Variants in DDX46 observed in about 807,000 individuals in gnomAD.
DDX46 encodes probable ATP-dependent RNA helicase DDX46.
A neutral mutation model predicts 134.9 loss-of-function variants in DDX46; 30 were observed. That is an observed-to-expected ratio of 0.22 (90% CI 0.17 to 0.30). The LOEUF (loss-of-function observed/expected upper bound fraction) is 0.30. DDX46 is among the 10% of genes least tolerant of loss of function. The probability of loss-of-function intolerance (pLI) is 1.00; values close to 1 mark genes in which losing one functional copy is unlikely to be tolerated. For missense variants in DDX46, 622 were observed against 1,248.7 expected (o/e 0.50, Z 7.56); for synonymous variants, 415 against 404.1 (o/e 1.03, Z -0.32).
intron 11 of DDX46, among the ~76,000 whole-genome samples, chr5:134,786,200 A>G (rs920706744): frequency 6.6e-6 from 1 of 152,094 alleles, no homozygotes; most frequent in Non-Finnish European, 1.5e-5. Flanking sequence ...ATATGAGGTG[A>G]TATGTTAGCT....
At chr5:134,784,836 A>G in intron 10 of DDX46, 1 of 184,002 alleles carries the variant, frequency 5.4e-6, no homozygotes, top group East Asian at 1.4e-4. Flanking sequence ...ATTTATATTG[A>G]GGTTTGTTAG....
At chr5:134,813,400 A>G (rs1309648040) in intron 18 of DDX46, among the ~76,000 whole-genome samples, 1 of 152,232 alleles carries the variant, frequency 6.6e-6, no homozygotes, top group Non-Finnish European at 1.5e-5. Flanking sequence ...GATTGCAGTC[A>G]TCTGCAGGCT....
chr5:134,768,997 G>T (rs1234007718), intron 3 of DDX46, among the ~76,000 whole-genome samples: 6 of 152,150 alleles, frequency 3.9e-5, no homozygotes, highest in Non-Finnish European at 8.8e-5. Flanking sequence ...GGTGGAGGTT[G>T]CAGTGAGCCG....
intron 20 of DDX46, among the ~76,000 whole-genome samples, chr5:134,818,072 C>T (rs1452685667): frequency 2.6e-5 from 4 of 151,694 alleles, no homozygotes; most frequent in African/African-American, 4.8e-5. Context: ...CCCTCAGCCT[C>T]GCGAGTAGCT....
chr5:134,804,936 G>A (rs895868107), intron 15 of DDX46: 8 of 336,926 alleles, frequency 2.4e-5, no homozygotes, highest in East Asian at 2.0e-4. Flanking sequence ...GGACATTCAC[G>A]TAACAATATT....
chr5:134,781,912 A>C lies in DDX46; in HGVS notation c.880-9A>C. On this transcript the variant is annotated splice_polypyrimidine_tract_variant and intron_variant, in intron 7 of 22. Coordinates refer to ENST00000452510, the MANE Select transcript of DDX46 (RefSeq NM_001300860.2). Reference sequence around the variant, plus strand: ...ACTTAGCGCTTTAATTTTTTCTTTTAAACTATAGTATTCTTCAGAGGAGGA... The same window carrying C: ...ACTTAGCGCTTTAATTTTTTCTTTTCAACTATAGTATTCTTCAGAGGAGGA... The C allele has an allele frequency of 6.3e-7, 1 of 1,593,680 alleles. No homozygotes were observed. The highest frequency in any genetic ancestry group is 1.2e-5 in the South Asian group (1 of 86,246).
chr5:134,794,427 T>C (rs892819686), intron 13 of DDX46, among the ~76,000 whole-genome samples: 1 of 152,246 alleles, frequency 6.6e-6, no homozygotes, highest in Non-Finnish European at 1.5e-5. Context: ...TAGGTGTGGA[T>C]ACAGATTCCT....
intron 2 of DDX46, among the ~76,000 whole-genome samples, chr5:134,765,029 T>C (rs1039320043): frequency 3.3e-5 from 5 of 151,790 alleles, no homozygotes; most frequent in African/African-American, 1.2e-4. Flanking sequence ...TGAGCTGTCA[T>C]AGATTTAAAC....
In DDX46 at chr5:134,782,097, A is replaced by G. The variant is rs753947309; in HGVS notation, c.1045+11A>G. 37 of 1,578,690 alleles carry G rather than the reference A, an allele frequency of 2.3e-5. No homozygotes were observed. In the South Asian group the frequency reaches 3.9e-4, roughly 16 times the overall value. Reference sequence around the variant, plus strand: ...AAATGTCTCAAGAAGGTAAAATTCCATTTTTTCATTTACTGGTTATAAGGG... The same window carrying G: ...AAATGTCTCAAGAAGGTAAAATTCCGTTTTTTCATTTACTGGTTATAAGGG... On this transcript the variant is annotated intron_variant, in intron 8 of 22. Transcript: ENST00000452510.
At chr5:134,809,181 C>T (rs1353697590) in intron 16 of DDX46, among the ~76,000 whole-genome samples, 3 of 152,016 alleles carry the variant, frequency 2.0e-5, no homozygotes, top group Admixed American at 6.6e-5. Flanking sequence ...TGGAAAGGGC[C>T]ATGTACTGAA....
intron 12 of DDX46, chr5:134,789,272 AT>A (rs1754433224): frequency 6.6e-6 from 1 of 152,226 alleles, no homozygotes; most frequent in Non-Finnish European, 1.5e-5. Flanking sequence ...AAGGTAGGTA[AT>A]TTAATGCTGT....
intron 6 of DDX46, among the ~76,000 whole-genome samples, chr5:134,780,100 G>GTA (rs1162980124): frequency 1.9e-5 from 1 of 53,312 alleles, no homozygotes; most frequent in Non-Finnish European, 4.4e-5. Flanking sequence ...AAAAATATAT[G>GTA]TGTGTGTGTG....
At chr5:134,824,065 A>G (rs1250664695) in intron 21 of DDX46, among the ~76,000 whole-genome samples, 1 of 152,198 alleles carries the variant, frequency 6.6e-6, no homozygotes, top group African/African-American at 2.4e-5. Flanking sequence ...TCAAATTTCA[A>G]TTTATGTATA....
chr5:134,814,290 G>A (rs1755227843), intron 18 of DDX46, among the ~76,000 whole-genome samples: 1 of 152,100 alleles, frequency 6.6e-6, no homozygotes, highest in South Asian at 2.1e-4. Flanking sequence ...GGGGTTCTTG[G>A]AATGTATTCC....
chr5:134,827,038 A>G lies in DDX46; in HGVS notation c.3051+18A>G, dbSNP rs1755609505. On this transcript the variant is annotated intron_variant, in intron 22 of 22. Transcript: ENST00000452510. ...TCCGGCTGGTGAGTGAAAACCTTAAAGTTTCGTTTGTTTTGTTTTAATAAG... is the reference window on the plus strand; with the variant it reads ...TCCGGCTGGTGAGTGAAAACCTTAAGGTTTCGTTTGTTTTGTTTTAATAAG... The G allele has an allele frequency of 6.2e-7, 1 of 1,603,098 alleles. No homozygotes were observed. Among genetic ancestry groups the G allele is most frequent in the East Asian group, 2.2e-5 (1 of 44,786 alleles).
At chr5:134,805,854 A>G (rs546606787) in intron 15 of DDX46, among the ~76,000 whole-genome samples, 1 of 152,242 alleles carries the variant, frequency 6.6e-6, no homozygotes, top group Admixed American at 6.5e-5. Context: ...TTTCTAATAC[A>G]TTAAGTATTG....
chr5:134,782,049 T>C lies in DDX46; in HGVS notation c.1008T>C (p.Tyr336=). ...IEYEPFRKNF[Y]VEVPELAKMS... is the part of the protein sequence containing the mutation. ...ATGAGCCATTTAGGAAAAACTTCTA[T>C]GTTGAAGTTCCAGAACTAGCAAAAA... is the stretch of plus-strand genomic sequence containing the variant. The change falls in exon 8 of 23, where the codon TAT becomes TAC. Residue 336 remains tyrosine, a synonymous_variant. Coordinates refer to ENST00000452510, the MANE Select transcript of DDX46 (RefSeq NM_001300860.2). The C allele has an allele frequency of 6.3e-7, 1 of 1,594,240 alleles. No homozygotes were observed. The highest frequency in any genetic ancestry group is 8.5e-7 in the Non-Finnish European group (1 of 1,175,932).
chr5:134,773,467 C>G (rs537830084), intron 4 of DDX46, among the ~76,000 whole-genome samples: 1 of 152,148 alleles, frequency 6.6e-6, no homozygotes, highest in Non-Finnish European at 1.5e-5. Context: ...TATCTTTTGG[C>G]TTTCTTATTT....
intron 9 of DDX46, 73 bp downstream of exon 9, chr5:134,783,138 C>G (rs1200956497): frequency 4.6e-6 from 7 of 1,523,268 alleles, no homozygotes; most frequent in Non-Finnish European, 6.2e-6. Flanking sequence ...CAGTGTCTCC[C>G]TGAGTTACAT....
Sources: allele counts gnomAD v4.1 joint callset (sites outside exome capture counted in the v4.1 genomes callset), GRCh38; gene constraint gnomAD v4.1.1; transcripts MANE v1.5; gene names NCBI Gene and HGNC (gene_info 2026-07-23, HGNC 2026-07-21).